ANKS1B: variants seen among roughly 807,000 people sequenced by gnomAD.
ANKS1B encodes the protein ankyrin repeat and sterile alpha motif domain containing 1B, also known as ankyrin repeat and sterile alpha motif domain-containing protein 1B.
Under a neutral mutation model 148.3 loss-of-function variants are expected in ANKS1B, and 36 were observed. That is an observed-to-expected ratio of 0.24 (90% CI 0.19 to 0.32). The LOEUF (loss-of-function observed/expected upper bound fraction) is 0.32. Among genes scored for constraint, ANKS1B ranks in the 10% least tolerant of loss-of-function variants. The pLI, the probability that ANKS1B is intolerant of heterozygous loss-of-function variation, is 1.00. For synonymous variants in ANKS1B, 542 were observed against 560.8 expected (o/e 0.97, Z 0.47); for missense variants, 1,157 against 1,542.6 (o/e 0.75, Z 4.19).
intron 9 of ANKS1B, among the ~76,000 whole-genome samples, chr12:99,616,941 A>G (rs1342025162): frequency 6.6e-6 from 1 of 152,184 alleles, no homozygotes; most frequent in African/African-American, 2.4e-5. Context: ...ACAAATTTAC[A>G]AGAAAAAAAA....
chr12:98,790,234 G>T (rs1348654454), intron 22 of ANKS1B, among the ~76,000 whole-genome samples: 1 of 152,148 alleles, frequency 6.6e-6, no homozygotes, highest in African/African-American at 2.4e-5. Flanking sequence ...ACCCACTGAG[G>T]AGCTCCTTCC....
intron 9 of ANKS1B, among the ~76,000 whole-genome samples, chr12:99,594,568 G>A (rs2097737464): frequency 6.6e-6 from 1 of 151,926 alleles, no homozygotes. Flanking sequence ...TGCAATATGT[G>A]ACATGGATGA....
chr12:99,897,349 T>C (rs1331869303), intron 1 of ANKS1B, among the ~76,000 whole-genome samples: 4 of 149,236 alleles, frequency 2.7e-5, no homozygotes, highest in Non-Finnish European at 4.5e-5. Context: ...AAAATGAGTA[T>C]ATGTGTATAT....
At chr12:99,975,702 G>T (rs1156666661) in intron 1 of ANKS1B, among the ~76,000 whole-genome samples, 2 of 152,058 alleles carry the variant, frequency 1.3e-5, no homozygotes, top group African/African-American at 4.8e-5. Context: ...GTTCCCTATA[G>T]CTTCTGGATA....
chr12:99,522,687 A>G (rs1350152413), intron 9 of ANKS1B, among the ~76,000 whole-genome samples: 2 of 152,202 alleles, frequency 1.3e-5, no homozygotes, highest in African/African-American at 4.8e-5. Flanking sequence ...TATGAAAAAA[A>G]TATTAGGAGT....
intron 1 of ANKS1B, among the ~76,000 whole-genome samples, chr12:99,854,767 A>G (rs2088681070): frequency 6.6e-6 from 1 of 152,182 alleles, no homozygotes; most frequent in Non-Finnish European, 1.5e-5. Flanking sequence ...AAAACAATTA[A>G]CAGCCAAGAA....
In ANKS1B at chr12:99,464,555, A is replaced by G. The variant is rs927789275; in HGVS notation, c.1439-20746T>C. ...GTTAAAAACTTTGAAAAAAATTTAGATGAATGTATAACTAGAATAACCAAT... is the reference window on the plus strand; with the variant it reads ...GTTAAAAACTTTGAAAAAAATTTAGGTGAATGTATAACTAGAATAACCAAT... On this transcript the variant is annotated intron_variant, in intron 10 of 26. Coordinates refer to ENST00000683438, the MANE Select transcript of ANKS1B (RefSeq NM_001352186.2). Among the ~76,000 whole-genome samples, 41 of 152,306 alleles carry G rather than the reference A, an allele frequency of 2.7e-4. 1 individual carries two copies. Among genetic ancestry groups the G allele is most frequent in the Non-Finnish European group, 5.1e-4 (35 of 68,030 alleles).
chr12:98,875,367 A>G (rs2152439100), intron 17 of ANKS1B, among the ~76,000 whole-genome samples: 1 of 152,282 alleles, frequency 6.6e-6, no homozygotes, highest in South Asian at 2.1e-4. Flanking sequence ...ATGCCCTATA[A>G]GACAGGCCTA....
intron 16 of ANKS1B, among the ~76,000 whole-genome samples, chr12:99,061,271 CT>C (rs1318901518): frequency 2.0e-5 from 3 of 152,174 alleles, no homozygotes; most frequent in Non-Finnish European, 1.5e-5. Context: ...TAGAATTCCT[CT>C]TTTTTCTTCA....
At chr12:99,016,172 T>C (rs541774993) in intron 17 of ANKS1B, among the ~76,000 whole-genome samples, 3 of 151,130 alleles carry the variant, frequency 2.0e-5, no homozygotes, top group East Asian at 3.9e-4. Context: ...ACAGCTAACA[T>C]GAATTTCTTT....
At chr12:99,928,162 G>GA (rs1457765533) in intron 1 of ANKS1B, among the ~76,000 whole-genome samples, 6 of 151,542 alleles carry the variant, frequency 4.0e-5, no homozygotes, top group Admixed American at 3.3e-4. Flanking sequence ...TAAGAAACAG[G>GA]AAAAAAATGG....
At chr12:99,097,336 A>G (rs1318320209) in intron 15 of ANKS1B, 1 of 152,084 alleles carries the variant, frequency 6.6e-6, no homozygotes, top group African/African-American at 2.4e-5. Context: ...AGTTTTGCAA[A>G]TTCTCATGAT....
At chr12:99,980,836 T>A (rs554146896) in intron 1 of ANKS1B, among the ~76,000 whole-genome samples, 9 of 152,112 alleles carry the variant, frequency 5.9e-5, no homozygotes, top group Non-Finnish European at 8.8e-5. Flanking sequence ...TACCAATTGC[T>A]GAAAGTCACA....
chr12:98,904,173 G>A (rs1455275270), intron 17 of ANKS1B, among the ~76,000 whole-genome samples: 1 of 152,092 alleles, frequency 6.6e-6, no homozygotes, highest in Non-Finnish European at 1.5e-5. Flanking sequence ...AGAGGCTGAA[G>A]CAAGGGCTAT....
chr12:99,020,707 A>G (rs1161770854), intron 17 of ANKS1B, among the ~76,000 whole-genome samples: 1 of 152,174 alleles, frequency 6.6e-6, no homozygotes, highest in Non-Finnish European at 1.5e-5. Context: ...ATTAAAACAT[A>G]TATACACTGT....
intron 17 of ANKS1B, among the ~76,000 whole-genome samples, chr12:98,857,750 A>G (rs1227419831): frequency 1.3e-5 from 2 of 152,196 alleles, no homozygotes; most frequent in Non-Finnish European, 2.9e-5. Context: ...AGTAAATATA[A>G]TATTTCTAAA....
Position 99,655,162 on chromosome 12 carries a change from C to A in ANKS1B, c.1177G>T (p.Asp393Tyr), listed in dbSNP as rs1279538509. The A allele has an allele frequency of 6.2e-7, 1 of 1,612,396 alleles. No homozygotes were observed. Among genetic ancestry groups the A allele is most frequent in the South Asian group, 1.1e-5 (1 of 90,866 alleles). ...NLSPGEVEEE[D>Y]DDENTCGPSG... The stretch of plus-strand genomic sequence containing the variant: ...GGCCCACACGTATTTTCATCATCAT[C>A]CTCTTCTTCCACTTCTCCTGGTGAC... The change falls in exon 9 of 27, where the codon GAT (aspartate) becomes TAT (tyrosine). Residue 393 changes from aspartate to tyrosine, a missense_variant. Asp to Tyr is a radical substitution (Grantham distance 160, BLOSUM62 -3). Transcript: ENST00000683438.
At position 99,011,275 on chromosome 12, in the gene ANKS1B, C is replaced by T. The variant is rs115746642; in HGVS notation, c.2778+41882G>A. On this transcript the variant is annotated intron_variant, in intron 17 of 26. Transcript: ENST00000683438. The stretch of plus-strand genomic sequence containing the variant: ...GTAATTTGTTATACAGCCATAAAAA[C>T]GAAAAGACCAAACAGTCATATCCTG... Among the ~76,000 whole-genome samples the T allele has an allele frequency of 6.6e-3, 1,001 of 152,028 alleles. 9 individuals are homozygous for T. The highest frequency in any genetic ancestry group is 0.022 in the African/African-American group (898 of 41,460).
chr12:99,811,093 T>C (rs2068299132), intron 3 of ANKS1B, among the ~76,000 whole-genome samples: 1 of 152,026 alleles, frequency 6.6e-6, no homozygotes, highest in African/African-American at 2.4e-5. Flanking sequence ...ATTAATAAGA[T>C]ACTTTTCCAA....
Sources: allele counts gnomAD v4.1 joint callset (sites outside exome capture counted in the v4.1 genomes callset), GRCh38; gene constraint gnomAD v4.1.1; transcripts MANE v1.5; gene names NCBI Gene and HGNC (gene_info 2026-07-23, HGNC 2026-07-21).